SYCP1: variants seen among roughly 807,000 people sequenced by gnomAD.
SYCP1 encodes synaptonemal complex protein 1, also known as cancer/testis antigen 8.
SYCP1 carries 64 observed loss-of-function variants against 153.1 expected under a neutral mutation model. That is an observed-to-expected ratio of 0.42 (90% CI 0.34 to 0.51). The LOEUF (loss-of-function observed/expected upper bound fraction) is 0.51. Among genes scored for constraint, SYCP1 ranks in the 20% least tolerant of loss-of-function variants. The pLI, the probability that SYCP1 is intolerant of heterozygous loss-of-function variation, is 0.06. For missense variants in SYCP1, 997 were observed against 1,049.0 expected, an observed-to-expected ratio of 0.95 and a Z score of 0.68; for synonymous variants, 384 against 341.8, an observed-to-expected ratio of 1.12 and a Z score of -1.36.
intron 16 of SYCP1, 72 bp from the exon 17 acceptor site, chr1:114,910,325 C>A: frequency 9.7e-7 from 1 of 1,033,046 alleles, no homozygotes; most frequent in Non-Finnish European, 1.4e-6. Flanking sequence ...TCCACAGCTC[C>A]ATTTGGGCAG....
chr1:114,878,024 T>A (rs1463306603), intron 11 of SYCP1, 70 bp from the exon 12 acceptor site: 2 of 872,386 alleles, frequency 2.3e-6, no homozygotes, highest in Non-Finnish European at 3.5e-6. Context: ...AAAATAATTG[T>A]AGGTATTATA....
intron 27 of SYCP1, among the ~76,000 whole-genome samples, chr1:114,967,773 G>T (rs1672227985): frequency 1.3e-5 from 2 of 152,202 alleles, no homozygotes; most frequent in Non-Finnish European, 2.9e-5. Flanking sequence ...TTTCTTCATA[G>T]TGTTGATGGT....
chr1:114,938,401 G>A (rs1275505519), intron 23 of SYCP1, among the ~76,000 whole-genome samples: 1 of 139,186 alleles, frequency 7.2e-6, no homozygotes, highest in African/African-American at 2.7e-5. Context: ...CCTGTTGTGG[G>A]ATGGGGGGAG....
intron 16 of SYCP1, 54 bp downstream of exon 16, chr1:114,895,563 G>T: frequency 2.1e-6 from 2 of 973,634 alleles, no homozygotes; most frequent in South Asian, 2.1e-5. Context: ...GAAGAATATT[G>T]AATCCCTTAA....
chr1:114,886,102 GT>G (rs778209398), intron 13 of SYCP1, 22 bp from the exon 14 acceptor site: 38 of 1,534,832 alleles, frequency 2.5e-5, no homozygotes, highest in Non-Finnish European at 3.0e-5. Flanking sequence ...CATTGCTCTT[GT>G]TTTATACTTT....
intron 20 of SYCP1, among the ~76,000 whole-genome samples, chr1:114,917,857 T>C (rs531412058): frequency 1.2e-4 from 19 of 152,268 alleles, no homozygotes; most frequent in African/African-American, 4.1e-4. Flanking sequence ...ATAGAGTTTT[T>C]TGAGCCCCTT....
chr1:114,887,963 T>C (rs901101213), intron 15 of SYCP1, among the ~76,000 whole-genome samples: 2 of 152,010 alleles, frequency 1.3e-5, no homozygotes, highest in African/African-American at 4.8e-5. Context: ...CTAAGAGAAG[T>C]TGATATTCTG....
chr1:114,990,309 A>G (rs1180083999), intron 30 of SYCP1, among the ~76,000 whole-genome samples: 3 of 152,012 alleles, frequency 2.0e-5, no homozygotes, highest in African/African-American at 7.2e-5. Flanking sequence ...AAAGGACAAC[A>G]CAATATACCT....
At chr1:114,934,890 C>G (rs571270164) in intron 23 of SYCP1, among the ~76,000 whole-genome samples, 140 of 152,270 alleles carry the variant, frequency 9.2e-4, no homozygotes, top group African/African-American at 3.3e-3. Flanking sequence ...AATACAGGAG[C>G]ACCCAGATTC....
At chr1:114,944,238 A>G (rs2101818044) in intron 23 of SYCP1, 101 bp from the exon 24 acceptor site, 3 of 676,656 alleles carry the variant, frequency 4.4e-6, no homozygotes, top group South Asian at 4.1e-5. Flanking sequence ...TCCATGAATA[A>G]GTAATCTTCT....
chr1:114,956,414 C>A, intron 27 of SYCP1, among the ~76,000 whole-genome samples: 1 of 152,302 alleles, frequency 6.6e-6, no homozygotes, highest in Non-Finnish European at 1.5e-5. Flanking sequence ...AGCTCCAGTC[C>A]ATCCTGCTAC....
At chr1:114,989,734 A>G (rs1361128976) in intron 30 of SYCP1, among the ~76,000 whole-genome samples, 1 of 151,998 alleles carries the variant, frequency 6.6e-6, no homozygotes, top group Admixed American at 6.6e-5. Flanking sequence ...GACACAATAG[A>G]CTTTAAATTA....
At chr1:114,858,779 T>C (rs1440346125) in intron 6 of SYCP1, 68 bp downstream of exon 6, 1 of 1,323,926 alleles carries the variant, frequency 7.6e-7, no homozygotes, top group Non-Finnish European at 1.0e-6. Flanking sequence ...GAAAGTAGAG[T>C]ATTAGTTGGG....
chr1:114,963,304 A>C (rs372756441), intron 27 of SYCP1, among the ~76,000 whole-genome samples: 17 of 152,134 alleles, frequency 1.1e-4, no homozygotes, highest in African/African-American at 2.9e-4. Context: ...GAGGAACACA[A>C]ATTTTCTTAG....
At chr1:114,927,516 G>A (rs1262466294) in intron 23 of SYCP1, among the ~76,000 whole-genome samples, 1 of 152,166 alleles carries the variant, frequency 6.6e-6, no homozygotes, top group East Asian at 1.9e-4. Context: ...ACTAGATGGG[G>A]AATGTCAGTG....
rs201987186 is a variant in SYCP1, at chr1:114,954,200, T to C, written c.2322+6880T>C. 7.2e-5 allele frequency among the ~76,000 whole-genome samples: 11 copies of C among 152,326 alleles called. No homozygotes were observed. The South Asian group carries it at 1.9e-3, about 26-fold the overall frequency. ...ACATGTCTATGACCTTGCCAACTTA[T>C]CATTTTTTTGACGTGAGAACATTAA... On this transcript the variant is annotated intron_variant, in intron 27 of 31. Coordinates refer to ENST00000369522, the MANE Select transcript of SYCP1 (RefSeq NM_003176.4).
intron 23 of SYCP1, among the ~76,000 whole-genome samples, chr1:114,938,101 T>A (rs1008568765): frequency 2.0e-5 from 3 of 152,174 alleles, no homozygotes; most frequent in Non-Finnish European, 4.4e-5. Context: ...TGCACATGTA[T>A]GTTTATTGCA....
At chr1:114,892,737 G>C (rs546643866) in intron 15 of SYCP1, among the ~76,000 whole-genome samples, 6 of 152,216 alleles carry the variant, frequency 3.9e-5, no homozygotes, top group Admixed American at 2.6e-4. Context: ...GTTGGTAGGG[G>C]GCAGGGTTGC....
chr1:114,994,289 A>G (rs997684575), intron 30 of SYCP1, among the ~76,000 whole-genome samples: 1 of 151,430 alleles, frequency 6.6e-6, no homozygotes, highest in African/African-American at 2.4e-5. Context: ...TTTTAGAATT[A>G]TAAATACTTG....
Sources: allele counts gnomAD v4.1 joint callset (sites outside exome capture counted in the v4.1 genomes callset), GRCh38; gene constraint gnomAD v4.1.1; transcripts MANE v1.5; gene names NCBI Gene and HGNC (gene_info 2026-07-23, HGNC 2026-07-21).